SNX4: variants seen among roughly 807,000 people sequenced by gnomAD.
SNX4 encodes sorting nexin 4, also known as sorting nexin-4.
A neutral mutation model predicts 70.8 loss-of-function variants in SNX4; 49 were observed. That is an observed-to-expected ratio of 0.69 (90% CI 0.55 to 0.88). The LOEUF is 0.88. SNX4 is among the 40% of genes least tolerant of loss of function. SNX4 has a pLI of 0.00. For missense variants in SNX4, 528 were observed against 544.8 expected, an observed-to-expected ratio of 0.97 and a Z score of 0.31; for synonymous variants, 206 against 183.8, an observed-to-expected ratio of 1.12 and a Z score of -0.98.
At chr3:125,501,619 TAAA>T (rs79800894) in intron 2 of SNX4, among the ~76,000 whole-genome samples, 2 of 133,716 alleles carry the variant, frequency 1.5e-5, no homozygotes, top group Non-Finnish European at 1.6e-5. Context: ...GACTCCACCT[TAAA>T]AAAAAAAAAA....
At chr3:125,481,827 A>G (rs1934418615) in intron 6 of SNX4, among the ~76,000 whole-genome samples, 1 of 152,154 alleles carries the variant, frequency 6.6e-6, no homozygotes, top group Non-Finnish European at 1.5e-5. Flanking sequence ...CTGAATCTGA[A>G]TTTTATAGCT....
intron 7 of SNX4, among the ~76,000 whole-genome samples, chr3:125,479,844 T>C (rs1934370301): frequency 6.6e-6 from 1 of 152,200 alleles, no homozygotes; most frequent in African/African-American, 2.4e-5. Flanking sequence ...GACTATTATC[T>C]GAAATTAGTT....
intron 13 of SNX4, chr3:125,449,076 G>T (rs1434607337): frequency 6.6e-6 from 1 of 152,078 alleles, no homozygotes; most frequent in Non-Finnish European, 1.5e-5. Context: ...TCATTAAAGT[G>T]TGTCATTTAT....
At chr3:125,518,349 C>G (rs943222903) in intron 1 of SNX4, among the ~76,000 whole-genome samples, 4 of 151,964 alleles carry the variant, frequency 2.6e-5, no homozygotes, top group African/African-American at 9.7e-5. Flanking sequence ...GTAGTCCCAG[C>G]TACTCAGGAG....
intron 2 of SNX4, among the ~76,000 whole-genome samples, chr3:125,503,465 A>C (rs1934976183): frequency 6.6e-6 from 1 of 151,746 alleles, no homozygotes. Flanking sequence ...CTACTCCATA[A>C]TTTGTCTTTT....
chr3:125,520,149 G>C lies in SNX4; in HGVS notation c.24C>G (p.Pro8=). Residue 8 remains proline (P), a synonymous_variant, in exon 1 of 14, where the codon CCC becomes CCG. Transcript: ENST00000251775. The part of the protein sequence containing the change: MEQAPPD[P]ERQLQPAPLE... ...AGGGCGCCGGCTGGAGCTGCCGCTC[G>C]GGGTCCGGAGGTGCCTGCTCCATGG... 4 of 1,433,526 alleles carry C rather than the reference G, an allele frequency of 2.8e-6. No homozygotes were observed. Among genetic ancestry groups the C allele is most frequent in the Non-Finnish European group, 1.8e-6 (2 of 1,100,074 alleles). 88.8% of individuals were successfully genotyped at this position (1,433,526 alleles called of 1,614,324 possible). A position where few individuals can be genotyped will look rare whatever the true frequency, so the allele number is the denominator to read the frequency against.
chr3:125,453,982 G>T (rs1234632977), intron 11 of SNX4, 27 bp from the exon 12 acceptor site: 1 of 1,601,666 alleles, frequency 6.2e-7, no homozygotes, highest in Non-Finnish European at 8.5e-7. Context: ...ACAGATGAAT[G>T]GATAAACAAA....
chr3:125,519,864 T>C (rs1404504099), intron 1 of SNX4, among the ~76,000 whole-genome samples, 168 bp downstream of exon 1: 3 of 151,820 alleles, frequency 2.0e-5, no homozygotes, highest in Non-Finnish European at 2.9e-5. Flanking sequence ...CTGAGCCTCC[T>C]CTCACTGCAC....
At chr3:125,479,223 T>C (rs1415957670) in intron 7 of SNX4, among the ~76,000 whole-genome samples, 2 of 152,106 alleles carry the variant, frequency 1.3e-5, no homozygotes, top group Admixed American at 6.6e-5. Flanking sequence ...ATCGGTGGAC[T>C]CTTATTAAAA....
At position 125,520,187 on chromosome 3, in the gene SNX4, GCGGCGAACC is replaced by G; in HGVS notation, c.-24_-16del. The G allele has an allele frequency of 7.4e-7, 1 of 1,358,374 alleles. No homozygotes were observed. Among genetic ancestry groups the G allele is most frequent in the African/African-American group, 1.5e-5 (1 of 65,042 alleles). 84.1% of individuals were successfully genotyped at this position (1,358,374 alleles called of 1,614,324 possible). On this transcript the variant is annotated 5_prime_UTR_variant, in exon 1 of 14. Transcript: ENST00000251775. ...GCCTGCTCCATGGCTGCAGTTCGGC[GCGGCGAACC>G]CAGTGCGCCTGCGCCGCCGCCGCGC...
intron 2 of SNX4, among the ~76,000 whole-genome samples, chr3:125,503,005 C>T (rs1934965595): frequency 6.6e-6 from 1 of 151,186 alleles, no homozygotes; most frequent in Non-Finnish European, 1.5e-5. Context: ...CTGCAATCTC[C>T]ACCTCCCAGG....
chr3:125,478,770 G>C (rs141022166), intron 7 of SNX4, among the ~76,000 whole-genome samples: 1 of 151,820 alleles, frequency 6.6e-6, no homozygotes, highest in East Asian at 1.9e-4. Context: ...TAGAAGCAAT[G>C]TGAGGGTACG....
intron 10 of SNX4, among the ~76,000 whole-genome samples, chr3:125,458,553 A>C (rs1933784440): frequency 6.6e-6 from 1 of 152,164 alleles, no homozygotes; most frequent in Non-Finnish European, 1.5e-5. Flanking sequence ...GCGGTGGCTC[A>C]TGCCTGTAAT....
At chr3:125,507,538 T>A (rs1255020944) in intron 1 of SNX4, among the ~76,000 whole-genome samples, 1 of 152,148 alleles carries the variant, frequency 6.6e-6, no homozygotes, top group Non-Finnish European at 1.5e-5. Flanking sequence ...TATATAAACA[T>A]CCAAGAAGCT....
At chr3:125,476,840 G>T in intron 7 of SNX4, 84 bp from the exon 8 acceptor site, 1 of 722,868 alleles carries the variant, frequency 1.4e-6, no homozygotes, top group South Asian at 1.7e-5. Flanking sequence ...CAAAAAACAT[G>T]CTTACTACAA....
At chr3:125,482,260 G>A (rs1934428929) in intron 6 of SNX4, among the ~76,000 whole-genome samples, 1 of 152,174 alleles carries the variant, frequency 6.6e-6, no homozygotes, top group Non-Finnish European at 1.5e-5. Context: ...AACTGATTTA[G>A]TAGACATTTG....
intron 8 of SNX4, among the ~76,000 whole-genome samples, chr3:125,472,906 C>A (rs1453960880): frequency 6.6e-6 from 1 of 152,128 alleles, no homozygotes; most frequent in Non-Finnish European, 1.5e-5. Flanking sequence ...CTTGTCCATG[C>A]TCCTATCCCT....
chr3:125,516,806 A>G (rs1580014844), intron 1 of SNX4, among the ~76,000 whole-genome samples: 1 of 152,184 alleles, frequency 6.6e-6, no homozygotes, highest in Non-Finnish European at 1.5e-5. Context: ...CTGCTACTGC[A>G]CTCCAGCTGG....
At chr3:125,453,379 A>C (rs1933626061) in intron 12 of SNX4, among the ~76,000 whole-genome samples, 1 of 152,206 alleles carries the variant, frequency 6.6e-6, no homozygotes, top group Non-Finnish European at 1.5e-5. Flanking sequence ...CAAAGGGTAG[A>C]AATCAGGAAT....
Sources: gnomAD v4.1 joint callset for allele counts (sites outside exome capture counted in the v4.1 genomes callset) on GRCh38, gnomAD v4.1.1 for gene constraint, MANE v1.5 for transcripts, NCBI Gene and HGNC (gene_info 2026-07-23, HGNC 2026-07-21) for gene names.